The following DDX60 variants were observed in gnomAD, a reference collection of about 807,000 sequenced individuals.
DDX60 encodes the protein probable ATP-dependent RNA helicase DDX60.
A neutral mutation model predicts 212.8 loss-of-function variants in DDX60; 165 were observed. The observed-to-expected ratio is 0.78, with a 90% CI of 0.68 to 0.88. The LOEUF (loss-of-function observed/expected upper bound fraction) is 0.88, where lower values mean the gene tolerates loss of function less well. DDX60 is among the 40% of genes least tolerant of loss of function. The pLI is 0.00. For missense variants in DDX60, 1,905 were observed against 2,003.9 expected (o/e 0.95, Z 0.94); for synonymous variants, 703 against 685.3 (o/e 1.03, Z -0.40).
At chr4:168,285,866 T>G (rs1735807606) in intron 10 of DDX60, among the ~76,000 whole-genome samples, 3 of 131,910 alleles carry the variant, frequency 2.3e-5, no homozygotes, top group Admixed American at 8.7e-5. Context: ...GATAGGTAGG[T>G]AGATGGGAAG....
intron 25 of DDX60, among the ~76,000 whole-genome samples, chr4:168,257,364 G>A (rs758053062): frequency 6.6e-6 from 1 of 151,938 alleles, no homozygotes; most frequent in African/African-American, 2.4e-5. Context: ...AGTGACTTCA[G>A]TATGTTAACT....
intron 29 of DDX60, among the ~76,000 whole-genome samples, chr4:168,247,204 A>G (rs896421564): frequency 1.3e-5 from 2 of 152,242 alleles, no homozygotes; most frequent in African/African-American, 4.8e-5. Flanking sequence ...CTGGGAATGT[A>G]AGAGACGTAC....
intron 30 of DDX60, among the ~76,000 whole-genome samples, chr4:168,239,751 G>A (rs1470481762): frequency 6.6e-6 from 1 of 152,040 alleles, no homozygotes; most frequent in African/African-American, 2.4e-5. Context: ...GCAGGTAGCA[G>A]GCCATATGGG....
intron 3 of DDX60, 73 bp downstream of exon 3, chr4:168,310,925 A>C: frequency 1.2e-6 from 1 of 856,624 alleles, no homozygotes; most frequent in Non-Finnish European, 1.9e-6. Flanking sequence ...TCTATAAATC[A>C]GCATAAGGCC....
intron 33 of DDX60, among the ~76,000 whole-genome samples, chr4:168,232,789 C>T (rs973399440): frequency 6.6e-6 from 1 of 152,180 alleles, no homozygotes; most frequent in East Asian, 1.9e-4. Context: ...CCCTTCTAGA[C>T]ATTGGCTTAG....
intron 1 of DDX60, among the ~76,000 whole-genome samples, chr4:168,311,909 C>T (rs928576991): frequency 6.6e-6 from 1 of 152,150 alleles, no homozygotes; most frequent in Non-Finnish European, 1.5e-5. Context: ...ATTGGCTTTG[C>T]ACTTTGAAAA....
chr4:168,236,288 C>T lies in DDX60; in HGVS notation c.4497G>A (p.Lys1499=). ...AAAACTCGAAGTGTGCATCTTGGAA[C>T]TTTGGTGGAAAATATCTTCTTCCAA... is the stretch of plus-strand genomic sequence containing the variant. ...HLFGRRYFPP[K]FQDAHFEFYQ... The change falls in exon 33 of 38, where the codon AAG becomes AAA. Residue 1499 remains lysine, a synonymous_variant. Transcript: ENST00000393743. The T allele has an allele frequency of 6.2e-7, 1 of 1,610,954 alleles. No homozygotes were observed. Among genetic ancestry groups the T allele is most frequent in the Non-Finnish European group, 8.5e-7 (1 of 1,178,428 alleles).
chr4:168,248,367 G>T, intron 28 of DDX60, 75 bp from the exon 29 acceptor site: 6 of 1,130,130 alleles, frequency 5.3e-6, no homozygotes, highest in Non-Finnish European at 7.4e-6. Flanking sequence ...TCATAAAGTT[G>T]CTGAAAAACT....
At chr4:168,296,856 G>A (rs1406777016) in intron 6 of DDX60, among the ~76,000 whole-genome samples, 2 of 147,222 alleles carry the variant, frequency 1.4e-5, no homozygotes, top group South Asian at 2.1e-4. Flanking sequence ...ACAAGCATTC[G>A]AACATACAAA....
At chr4:168,317,417 T>C (rs1737442474) in intron 1 of DDX60, among the ~76,000 whole-genome samples, 1 of 141,236 alleles carries the variant, frequency 7.1e-6, no homozygotes, top group African/African-American at 2.6e-5. Context: ...GGAAGAGAAA[T>C]GGAAAAGAGA....
intron 31 of DDX60, 41 bp downstream of exon 31, chr4:168,237,650 A>G (rs1401908213): frequency 1.3e-6 from 2 of 1,496,232 alleles, no homozygotes; most frequent in Non-Finnish European, 1.9e-6. Context: ...TCTAGATAGT[A>G]GTAATGCTAT....
Position 168,224,341 on chromosome 4 carries a change from A to G in DDX60, c.4726T>C (p.Leu1576=), listed in dbSNP as rs181957271. The change falls in exon 35 of 38, where the codon TTG becomes CTG. Residue 1576 remains leucine (L), a synonymous_variant. Coordinates refer to ENST00000393743, the MANE Select transcript of DDX60 (RefSeq NM_017631.6). ...ECEDSQLVSH[L]MSCKEGRVAI... is the part of the protein sequence containing the mutation. ...ACTCTTCCTTCCTTGCAGCTCATCA[A>G]ATGAGATACGAGTTGAGAGTCTTCA... 7.4e-6 allele frequency: 12 copies of G among 1,611,986 alleles called. No individual in the cohort carries two copies. The East Asian group carries it at 2.5e-4, about 33-fold the overall frequency.
At chr4:168,307,968 T>C in intron 4 of DDX60, 38 bp downstream of exon 4, 4 of 1,351,200 alleles carry the variant, frequency 3.0e-6, no homozygotes, top group African/African-American at 1.5e-5. Flanking sequence ...TTAGTTTTAG[T>C]TCTCATATTA....
At position 168,291,901 on chromosome 4, in the gene DDX60, G is replaced by C. The variant is rs1736120461; in HGVS notation, c.888C>G (p.Asn296Lys). The C allele has an allele frequency of 1.9e-6, 3 of 1,605,002 alleles. No individual in the cohort carries two copies. In the Admixed American group the frequency reaches 5.2e-5, roughly 28 times the overall value. ...TCTCCTGCAGGGTTAAGCAATTACT[G>C]TTCACCTGAATAAAATAAAGAAGGT... ...SGQETEIQQVNSNCLTLQEME... is the reference protein window; with the variant it reads ...SGQETEIQQVKSNCLTLQEME... The change falls in exon 8 of 38, where the codon AAC (asparagine) becomes AAG (lysine). Residue 296 changes from asparagine to lysine, a missense_variant. Physicochemically the swap from Asn to Lys is moderately conservative, Grantham distance 94. Coordinates refer to ENST00000393743, the MANE Select transcript of DDX60 (RefSeq NM_017631.6).
chr4:168,231,515 C>T (rs1285783506), intron 33 of DDX60, among the ~76,000 whole-genome samples: 1 of 151,962 alleles, frequency 6.6e-6, no homozygotes, highest in East Asian at 1.9e-4. Context: ...GATAATCTAC[C>T]ATGATCAAGT....
chr4:168,257,613 T>C lies in DDX60; in HGVS notation c.3399-1744A>G, dbSNP rs181976897. 2.0e-5 allele frequency among the ~76,000 whole-genome samples: 3 copies of C among 152,298 alleles called. No homozygotes were observed. The East Asian group carries it at 5.8e-4, about 29-fold the overall frequency. ...ATATTACTTTTTAAAATAGTGTCACTTTCATCATAGCACTTCATTTTTAAA... is the reference window on the plus strand; with the variant it reads ...ATATTACTTTTTAAAATAGTGTCACCTTCATCATAGCACTTCATTTTTAAA... On this transcript the variant is annotated intron_variant, in intron 25 of 37. Transcript: ENST00000393743.
chr4:168,264,544 T>C (rs965011906), intron 22 of DDX60, among the ~76,000 whole-genome samples: 2 of 151,584 alleles, frequency 1.3e-5, no homozygotes, highest in Non-Finnish European at 2.9e-5. Flanking sequence ...TGTTTTTGGT[T>C]GCTAGCTAGA....
Position 168,275,572 on chromosome 4 carries a change from T to C in DDX60, c.2146-69A>G, listed in dbSNP as rs1287535057. 2.4e-5 allele frequency: 32 copies of C among 1,317,290 alleles called. No individual in the cohort carries two copies. The Admixed American group carries it at 7.7e-4, about 32-fold the overall frequency. 81.6% of individuals were successfully genotyped at this position (1,317,290 alleles called of 1,614,324 possible). A position where few individuals can be genotyped will look rare whatever the true frequency, so the allele number is the denominator to read the frequency against. On this transcript the variant is annotated intron_variant, in intron 15 of 37. Transcript: ENST00000393743. The stretch of plus-strand genomic sequence containing the variant: ...GAATATCATTTAAATAAGTAAAACA[T>C]TTATTACTGAGCACTTTCTATGTGA...
Position 168,224,226 on chromosome 4 carries a change from C to T in DDX60, c.4824+17G>A. 6.8e-6 allele frequency: 11 copies of T among 1,611,208 alleles called. No homozygotes were observed. The highest frequency in any genetic ancestry group is 9.3e-6 in the Non-Finnish European group (11 of 1,178,176). On this transcript the variant is annotated intron_variant, in intron 35 of 37. Transcript: ENST00000393743. ...TTCTTAAACAGCTTTTATTAATAAACCCCACTCTTCACTTACATGGTTTGG... is the reference window on the plus strand; with the variant it reads ...TTCTTAAACAGCTTTTATTAATAAATCCCACTCTTCACTTACATGGTTTGG...
Sources: allele counts gnomAD v4.1 joint callset (sites outside exome capture counted in the v4.1 genomes callset), GRCh38; gene constraint gnomAD v4.1.1; transcripts MANE v1.5; gene names NCBI Gene and HGNC (gene_info 2026-07-23, HGNC 2026-07-21).